The following KCNH8 variants were observed in gnomAD, a reference collection of about 807,000 sequenced individuals.
KCNH8 encodes the protein voltage-gated delayed rectifier potassium channel KCNH8.
Under a neutral mutation model 103.6 loss-of-function variants are expected in KCNH8, and 70 were observed. The observed-to-expected ratio is 0.68, with a 90% CI of 0.56 to 0.82. KCNH8 has a LOEUF of 0.82. Among genes scored for constraint, KCNH8 ranks in the 40% least tolerant of loss-of-function variants. The probability of loss-of-function intolerance (pLI) is 0.00; values close to 1 mark genes in which losing one functional copy is unlikely to be tolerated. For synonymous variants in KCNH8, 498 were observed against 489.4 expected (o/e 1.02, Z -0.23); for missense variants, 1,217 against 1,329.9 (o/e 0.92, Z 1.32).
chr3:19,206,364 G>A (rs1266279095), intron 1 of KCNH8, among the ~76,000 whole-genome samples: 4 of 151,478 alleles, frequency 2.6e-5, no homozygotes, highest in East Asian at 1.9e-4. Flanking sequence ...TGCTATAAAC[G>A]TGTGTGCAAG....
At chr3:19,416,192 G>A (rs939814057) in intron 7 of KCNH8, among the ~76,000 whole-genome samples, 2 of 152,036 alleles carry the variant, frequency 1.3e-5, no homozygotes, top group Non-Finnish European at 2.9e-5. Context: ...TGATTTTTCA[G>A]TATTTATTGA....
intron 1 of KCNH8, among the ~76,000 whole-genome samples, chr3:19,209,027 T>C (rs1462058269): frequency 6.6e-6 from 1 of 151,972 alleles, no homozygotes; most frequent in Non-Finnish European, 1.5e-5. Flanking sequence ...TATCTATACC[T>C]GTCTCTCCTG....
chr3:19,498,332 C>T (rs534497059), intron 11 of KCNH8, among the ~76,000 whole-genome samples: 1 of 152,200 alleles, frequency 6.6e-6, no homozygotes, highest in East Asian at 1.9e-4. Flanking sequence ...TATAGTGTCA[C>T]TGGTCTGTGT....
chr3:19,407,003 G>C (rs1032169758), intron 7 of KCNH8, among the ~76,000 whole-genome samples: 1 of 152,122 alleles, frequency 6.6e-6, no homozygotes, highest in Non-Finnish European at 1.5e-5. Flanking sequence ...TATTTCTGAA[G>C]ATCGAAATAT....
At chr3:19,366,041 T>A (rs1031467570) in intron 5 of KCNH8, among the ~76,000 whole-genome samples, 10 of 152,042 alleles carry the variant, frequency 6.6e-5, no homozygotes, top group African/African-American at 1.4e-4. Flanking sequence ...CATCTTTTTT[T>A]AAAAAAATTA....
At chr3:19,467,008 T>G (rs553701396) in intron 11 of KCNH8, among the ~76,000 whole-genome samples, 1 of 151,614 alleles carries the variant, frequency 6.6e-6, no homozygotes, top group African/African-American at 2.4e-5. Flanking sequence ...TAGACATACA[T>G]AAGTCTATTA....
chr3:19,403,361 AATATATATATATAT>A (rs57523893), intron 7 of KCNH8, among the ~76,000 whole-genome samples: 61 of 124,642 alleles, frequency 4.9e-4, no homozygotes, highest in African/African-American at 8.5e-4. Flanking sequence ...ATATGTAAAG[AATATATATATATAT>A]ATATATATAT....
At chr3:19,177,436 G>A (rs1194795585) in intron 1 of KCNH8, among the ~76,000 whole-genome samples, 1 of 151,870 alleles carries the variant, frequency 6.6e-6, no homozygotes, top group Non-Finnish European at 1.5e-5. Flanking sequence ...TATACAATAG[G>A]AATTATTTTC....
chr3:19,445,160 G>C (rs1473784496), intron 8 of KCNH8, among the ~76,000 whole-genome samples: 1 of 151,954 alleles, frequency 6.6e-6, no homozygotes, highest in East Asian at 1.9e-4. Context: ...GAACTACTAT[G>C]TCATGGAACC....
At chr3:19,459,621 G>GT (rs1400938100) in intron 11 of KCNH8, among the ~76,000 whole-genome samples, 2 of 151,870 alleles carry the variant, frequency 1.3e-5, no homozygotes, top group African/African-American at 4.8e-5. Context: ...CAATTTATCT[G>GT]TTTTTGCTTT....
At chr3:19,374,637 T>C (rs572565298) in intron 5 of KCNH8, among the ~76,000 whole-genome samples, 2 of 152,164 alleles carry the variant, frequency 1.3e-5, no homozygotes, top group Non-Finnish European at 2.9e-5. Context: ...GTGAATTCGA[T>C]CCTGTCATTA....
intron 1 of KCNH8, among the ~76,000 whole-genome samples, chr3:19,240,237 T>G (rs1575461023): frequency 1.3e-5 from 2 of 152,296 alleles, no homozygotes; most frequent in South Asian, 4.1e-4. Flanking sequence ...ACTTTATTTT[T>G]GCTCTGTTTT....
chr3:19,226,471 TTG>T (rs2063932612), intron 1 of KCNH8, among the ~76,000 whole-genome samples: 1 of 152,168 alleles, frequency 6.6e-6, no homozygotes, highest in South Asian at 2.1e-4. Context: ...AATCCTTGTC[TTG>T]GTAAGGTCTT....
intron 1 of KCNH8, among the ~76,000 whole-genome samples, chr3:19,170,647 CACACACATATATACACACATATATAT>C: frequency 7.3e-6 from 1 of 137,632 alleles, no homozygotes; most frequent in African/African-American, 3.1e-5. Flanking sequence ...CATATATATA[CACACACATATATACACACATATATAT>C]ACACACACAC....
chr3:19,203,122 A>T (rs1575433792), intron 1 of KCNH8, among the ~76,000 whole-genome samples: 1 of 152,290 alleles, frequency 6.6e-6, no homozygotes, highest in Admixed American at 6.6e-5. Context: ...ATTAAAATGG[A>T]TCATTACAAA....
At chr3:19,410,724 T>C (rs1417531275) in intron 7 of KCNH8, among the ~76,000 whole-genome samples, 5 of 152,004 alleles carry the variant, frequency 3.3e-5, no homozygotes, top group Admixed American at 1.3e-4. Flanking sequence ...GAGAGTGTTA[T>C]GAACACCTCT....
intron 11 of KCNH8, among the ~76,000 whole-genome samples, chr3:19,464,902 A>C (rs910767420): frequency 2.0e-5 from 3 of 152,172 alleles, no homozygotes; most frequent in Non-Finnish European, 2.9e-5. Context: ...AATTTAATAA[A>C]TTATAGTGAG....
chr3:19,150,173 T>C (rs1203794225), intron 1 of KCNH8, among the ~76,000 whole-genome samples: 1 of 152,186 alleles, frequency 6.6e-6, no homozygotes, highest in African/African-American at 2.4e-5. Context: ...ATTACGTATG[T>C]CTTTTTTAGA....
intron 2 of KCNH8, among the ~76,000 whole-genome samples, chr3:19,266,142 C>A (rs749955265): frequency 6.6e-6 from 1 of 152,008 alleles, no homozygotes; most frequent in Non-Finnish European, 1.5e-5. Flanking sequence ...TGCCTCGTTG[C>A]CTTTCAGGAT....
Sources: allele counts gnomAD v4.1 joint callset (sites outside exome capture counted in the v4.1 genomes callset), GRCh38; gene constraint gnomAD v4.1.1; transcripts MANE v1.5; gene names NCBI Gene and HGNC (gene_info 2026-07-23, HGNC 2026-07-21).